Variants in ZFHX4 observed in about 807,000 individuals in gnomAD.
ZFHX4 encodes zinc finger homeobox 4.
Under a neutral mutation model 267.6 loss-of-function variants are expected in ZFHX4, and 56 were observed. The ratio of observed to expected loss-of-function variants is 0.21; its 90% CI spans 0.17 to 0.26. ZFHX4 has a LOEUF of 0.26. Among genes scored for constraint, ZFHX4 ranks in the 10% least tolerant of loss-of-function variants. The pLI is 1.00. For synonymous variants in ZFHX4, 1,778 were observed against 1,665.6 expected (o/e 1.07, Z -1.64); for missense variants, 4,332 against 4,420.0 (o/e 0.98, Z 0.56).
Position 76,707,583 on chromosome 8 carries a change from T to G in ZFHX4, c.2628T>G (p.Ser876Arg). 1 of 1,599,986 alleles carries G rather than the reference T, an allele frequency of 6.3e-7. No homozygotes were observed. Among genetic ancestry groups the G allele is most frequent in the Non-Finnish European group, 8.5e-7 (1 of 1,171,424 alleles). Residue 876 changes from serine to arginine, a missense_variant, in exon 3 of 11, where the codon AGT becomes AGG. Transcript: ENST00000651372. ...NELPPEIRLA[S>R]GQLMGDDLSL... Reference sequence around the variant, plus strand: ...TGCCGCCTGAAATCCGGCTTGCCAGTGGTCAGCTAATGGGTGATGACCTGT... The same window carrying G: ...TGCCGCCTGAAATCCGGCTTGCCAGGGGTCAGCTAATGGGTGATGACCTGT...
intron 5 of ZFHX4, chr8:76,833,990 T>A (rs1812005615): frequency 3.9e-6 from 1 of 257,058 alleles, no homozygotes; most frequent in South Asian, 4.3e-5. Context: ...CAGTATGTAG[T>A]TTTTTTTAGA....
rs1351646955 is a variant in ZFHX4, at chr8:76,863,153, G to A, written c.9439G>A (p.Ala3147Thr). 2.6e-6 allele frequency: 4 copies of A among 1,549,566 alleles called. No homozygotes were observed. Among genetic ancestry groups the A allele is most frequent in the Non-Finnish European group, 2.6e-6 (3 of 1,146,374 alleles). Reference protein sequence around the residue: ...GFPTSATSSPALSLSSAPTKP... With the variant: ...GFPTSATSSPTLSLSSAPTKP... ...TCCTACTTCAGCTACTTCGTCTCCT[G>A]CCCTGTCTCTCAGCAGTGCCCCCAC... is the stretch of plus-strand genomic sequence containing the variant. The change falls in exon 11 of 11, where the codon GCC becomes ACC. Residue 3147 changes from alanine to threonine, a missense_variant. Transcript: ENST00000651372.
At chr8:76,718,092 A>G (rs1220423717) in intron 3 of ZFHX4, among the ~76,000 whole-genome samples, 1 of 152,216 alleles carries the variant, frequency 6.6e-6, no homozygotes, top group Non-Finnish European at 1.5e-5. Flanking sequence ...TTTACAAGAC[A>G]TCTCCTTTCA....
At chr8:76,799,901 A>G (rs1811074448) in intron 4 of ZFHX4, among the ~76,000 whole-genome samples, 1 of 152,162 alleles carries the variant, frequency 6.6e-6, no homozygotes, top group Admixed American at 6.5e-5. Context: ...TCACTTGATC[A>G]CTGCAAAAAA....
intron 3 of ZFHX4, among the ~76,000 whole-genome samples, chr8:76,749,649 G>T (rs1181293446): frequency 6.6e-6 from 1 of 152,036 alleles, no homozygotes; most frequent in Non-Finnish European, 1.5e-5. Context: ...AAGAGATGCT[G>T]GTTTCTAATT....
At chr8:76,783,561 C>T (rs1810608322) in intron 4 of ZFHX4, among the ~76,000 whole-genome samples, 2 of 151,908 alleles carry the variant, frequency 1.3e-5, no homozygotes, top group Admixed American at 1.3e-4. Context: ...ATGAATGTTT[C>T]ATTTTGCAGC....
intron 9 of ZFHX4, 122 bp from the exon 10 acceptor site, chr8:76,850,764 A>G: frequency 8.2e-7 from 1 of 1,214,988 alleles, no homozygotes; most frequent in East Asian, 2.6e-5. Flanking sequence ...TTGCTCAGTA[A>G]ACATTTATTC....
At chr8:76,694,345 C>T (rs1807899031) in intron 1 of ZFHX4, among the ~76,000 whole-genome samples, 1 of 152,130 alleles carries the variant, frequency 6.6e-6, no homozygotes, top group African/African-American at 2.4e-5. Flanking sequence ...TTGATAATCC[C>T]TTCCCCGACT....
At chr8:76,756,956 A>G (rs1809781149) in intron 3 of ZFHX4, among the ~76,000 whole-genome samples, 1 of 152,162 alleles carries the variant, frequency 6.6e-6, no homozygotes, top group African/African-American at 2.4e-5. Flanking sequence ...GCATTTACTT[A>G]ATTGATCACA....
chr8:76,748,311 C>T (rs943638251), intron 3 of ZFHX4, among the ~76,000 whole-genome samples: 1 of 152,198 alleles, frequency 6.6e-6, no homozygotes, highest in Non-Finnish European at 1.5e-5. Flanking sequence ...ATCTTCTCTC[C>T]GATTTGCTGA....
In ZFHX4 at chr8:76,691,289, T is replaced by C. The variant is rs557046808; in HGVS notation, c.-47+9669T>C. Among the ~76,000 whole-genome samples the C allele has an allele frequency of 5.1e-4, 78 of 152,108 alleles. 1 individual carries two copies. Among genetic ancestry groups the C allele is most frequent in the African/African-American group, 1.8e-3 (73 of 41,540 alleles). On this transcript the variant is annotated intron_variant, in intron 1 of 10. Transcript: ENST00000651372. ...ACATATTTTTGTGTTAAGTAGGAGGTAGATTAGGTGCTCCAAATGGACAAG... is the reference window on the plus strand; with the variant it reads ...ACATATTTTTGTGTTAAGTAGGAGGCAGATTAGGTGCTCCAAATGGACAAG...
intron 5 of ZFHX4, chr8:76,834,200 T>C (rs1018778478): frequency 7.1e-6 from 3 of 421,736 alleles, no homozygotes; most frequent in Middle Eastern, 3.5e-4. Context: ...TGAGCATCGG[T>C]GTCCAGGCTT....
At chr8:76,844,661 A>G (rs1254015641) in intron 6 of ZFHX4, among the ~76,000 whole-genome samples, 1 of 152,126 alleles carries the variant, frequency 6.6e-6, no homozygotes, top group Non-Finnish European at 1.5e-5. Context: ...GGCATTTGAG[A>G]GGATATAGAC....
intron 3 of ZFHX4, among the ~76,000 whole-genome samples, chr8:76,755,512 T>C (rs919741168): frequency 1.3e-5 from 2 of 152,196 alleles, no homozygotes; most frequent in African/African-American, 4.8e-5. Flanking sequence ...ATAGGTAATA[T>C]AAAAGCGCGG....
intron 1 of ZFHX4, among the ~76,000 whole-genome samples, chr8:76,703,770 G>A (rs1425125103): frequency 1.3e-5 from 2 of 152,130 alleles, no homozygotes; most frequent in African/African-American, 4.8e-5. Flanking sequence ...AAAAAACTCA[G>A]GATTATTGAT....
At chr8:76,796,828 C>T (rs759483435) in intron 4 of ZFHX4, among the ~76,000 whole-genome samples, 2 of 152,148 alleles carry the variant, frequency 1.3e-5, no homozygotes, top group Admixed American at 1.3e-4. Context: ...TTTACCACAC[C>T]GTGAAGAGGT....
chr8:76,777,839 C>T (rs1009995149), intron 3 of ZFHX4, among the ~76,000 whole-genome samples: 4 of 150,248 alleles, frequency 2.7e-5, no homozygotes, highest in Admixed American at 6.6e-5. Context: ...CAGGTATTCT[C>T]ATACCTTGAT....
At chr8:76,821,741 C>T (rs1354730089) in intron 4 of ZFHX4, among the ~76,000 whole-genome samples, 2 of 152,092 alleles carry the variant, frequency 1.3e-5, no homozygotes, top group Non-Finnish European at 2.9e-5. Flanking sequence ...AGTTGGCCTG[C>T]TGTATTTTTG....
chr8:76,853,318 C>T lies in ZFHX4; in HGVS notation c.6397C>T (p.Arg2133Trp), dbSNP rs758837173. 4.3e-6 allele frequency: 7 copies of T among 1,613,264 alleles called. No homozygotes were observed. Among genetic ancestry groups the T allele is most frequent in the South Asian group, 3.3e-5 (3 of 91,002 alleles). Residue 2133 changes from arginine (R) to tryptophan (W), a missense_variant, in exon 10 of 11, where the codon CGG (arginine) becomes TGG (tryptophan). Around this residue, in one of 7 missense-constraint regions of ZFHX4, gnomAD observed 1,371 missense variants for 1,423.1 expected, o/e 0.96. Coordinates refer to ENST00000651372, the MANE Select transcript of ZFHX4 (RefSeq NM_024721.5). ...AAGACATTCTCAGTTCAAACGCCCA[C>T]GGACAAGAATTACAGATGATCAGCT... ...FLRHSQFKRP[R>W]TRITDDQLKI...
Sources: gnomAD v4.1 joint callset for allele counts (sites outside exome capture counted in the v4.1 genomes callset) on GRCh38, gnomAD v4.1.1 for gene constraint, gnomAD v4.1.1 regional missense constraint, MANE v1.5 for transcripts, NCBI Gene and HGNC (gene_info 2026-07-23, HGNC 2026-07-21) for gene names.